ADGB: variants seen among roughly 807,000 people sequenced by gnomAD.
ADGB encodes androglobin.
A neutral mutation model predicts 210.5 loss-of-function variants in ADGB; 172 were observed. The ratio of observed to expected loss-of-function variants is 0.82; its 90% CI spans 0.72 to 0.93. ADGB has a LOEUF of 0.93. Among genes scored for constraint, ADGB ranks in the 40% least tolerant of loss-of-function variants. The probability of loss-of-function intolerance (pLI) is 0.00; values close to 1 mark genes in which losing one functional copy is unlikely to be tolerated. For synonymous variants in ADGB, 658 were observed against 662.7 expected, an observed-to-expected ratio of 0.99 and a Z score of 0.11; for missense variants, 2,025 against 1,964.8, an observed-to-expected ratio of 1.03 and a Z score of -0.58.
intron 27 of ADGB, among the ~76,000 whole-genome samples, chr6:146,760,210 G>A (rs561955211): frequency 2.6e-4 from 40 of 151,536 alleles, no homozygotes; most frequent in Non-Finnish European, 4.9e-4. Context: ...CCCTAACAAG[G>A]TATCAAATAT....
chr6:146,747,904 T>C (rs2114607008), intron 26 of ADGB, among the ~76,000 whole-genome samples: 1 of 151,332 alleles, frequency 6.6e-6, no homozygotes, highest in African/African-American at 2.4e-5. Flanking sequence ...AGCCTCAGCC[T>C]CCCAAGTAGC....
At chr6:146,744,650 T>A (rs778134214) in intron 25 of ADGB, among the ~76,000 whole-genome samples, 10 of 152,082 alleles carry the variant, frequency 6.6e-5, no homozygotes, top group Non-Finnish European at 1.0e-4. Flanking sequence ...TTTGCTCTAT[T>A]TTTTTTCATA....
Position 146,606,491 on chromosome 6 carries a change from A to G in ADGB, c.74+7377A>G, listed in dbSNP as rs530644297. Among the ~76,000 whole-genome samples the G allele has an allele frequency of 8.5e-5, 13 of 152,284 alleles. No homozygotes were observed. The East Asian group carries it at 1.7e-3, about 20-fold the overall frequency. On this transcript the variant is annotated intron_variant, in intron 1 of 35. Transcript: ENST00000397944. ...TTCCAGGGCCTATGTCCAGAATGGTATCTCCTAGGTTTTCTTCTAGGGTGT... is the reference window on the plus strand; with the variant it reads ...TTCCAGGGCCTATGTCCAGAATGGTGTCTCCTAGGTTTTCTTCTAGGGTGT...
At chr6:146,604,756 G>T (rs1323948068) in intron 1 of ADGB, among the ~76,000 whole-genome samples, 5 of 152,140 alleles carry the variant, frequency 3.3e-5, no homozygotes, top group Non-Finnish European at 4.4e-5. Flanking sequence ...GGGAAGGGAG[G>T]ATTCATATAG....
At chr6:146,713,174 G>A (rs143492038) in intron 13 of ADGB, among the ~76,000 whole-genome samples, 1 of 152,072 alleles carries the variant, frequency 6.6e-6, no homozygotes, top group African/African-American at 2.4e-5. Context: ...ATAGATATTG[G>A]GTTGCATCAA....
intron 10 of ADGB, among the ~76,000 whole-genome samples, chr6:146,688,546 C>T (rs993168767): frequency 3.3e-5 from 5 of 152,014 alleles, no homozygotes; most frequent in African/African-American, 7.2e-5. Context: ...TTGAGGCATG[C>T]GTGAGAGCCA....
chr6:146,813,714 G>C (rs566622958), intron 35 of ADGB, among the ~76,000 whole-genome samples: 123 of 152,242 alleles, frequency 8.1e-4, no homozygotes, highest in African/African-American at 2.9e-3. Flanking sequence ...GTGGGAAATC[G>C]ATTAGATTAG....
chr6:146,639,824 A>G (rs547516361), intron 2 of ADGB: 5 of 152,128 alleles, frequency 3.3e-5, no homozygotes, highest in African/African-American at 1.2e-4. Flanking sequence ...CCGTAATTTT[A>G]ATTAAAAATC....
At chr6:146,734,544 G>T (rs1003627312) in intron 22 of ADGB, among the ~76,000 whole-genome samples, 1 of 152,184 alleles carries the variant, frequency 6.6e-6, no homozygotes, top group African/African-American at 2.4e-5. Flanking sequence ...CATGTTAAGT[G>T]TGTTCTTAAA....
intron 7 of ADGB, among the ~76,000 whole-genome samples, chr6:146,669,262 G>A (rs1406472948): frequency 6.6e-6 from 1 of 152,026 alleles, no homozygotes; most frequent in African/African-American, 2.4e-5. Context: ...TGAATAGGAG[G>A]CAGTTCAGGG....
chr6:146,612,385 C>G (rs924929363), intron 1 of ADGB, among the ~76,000 whole-genome samples: 7 of 152,192 alleles, frequency 4.6e-5, no homozygotes, highest in Admixed American at 4.6e-4. Context: ...ATCCTTTTCT[C>G]TCCCAGCTGT....
At chr6:146,718,346 CA>C (rs34547633) in intron 16 of ADGB, among the ~76,000 whole-genome samples, 32,224 of 79,786 alleles carry the variant, frequency 0.4, 3,644 homozygotes, top group East Asian at 0.45. Flanking sequence ...GATTCCATCT[CA>C]AAAAAAAAAA....
chr6:146,623,270 G>C (rs1780922549), intron 1 of ADGB, among the ~76,000 whole-genome samples: 1 of 151,834 alleles, frequency 6.6e-6, no homozygotes, highest in Non-Finnish European at 1.5e-5. Flanking sequence ...GGTCAATTTG[G>C]GGTGAATTGA....
chr6:146,740,838 A>C (rs1777154781), intron 24 of ADGB, among the ~76,000 whole-genome samples: 1 of 152,140 alleles, frequency 6.6e-6, no homozygotes, highest in Admixed American at 6.5e-5. Flanking sequence ...ATACTATAAC[A>C]AATTAATATG....
intron 1 of ADGB, among the ~76,000 whole-genome samples, chr6:146,608,774 T>C (rs947634673): frequency 6.6e-6 from 1 of 152,202 alleles, no homozygotes; most frequent in Non-Finnish European, 1.5e-5. Flanking sequence ...TGTTGAGAAT[T>C]GCTTTGTTGT....
chr6:146,699,232 C>T (rs1776453336), intron 12 of ADGB, among the ~76,000 whole-genome samples: 1 of 152,096 alleles, frequency 6.6e-6, no homozygotes. Flanking sequence ...AGGCTGTCTG[C>T]AAGCTGGGGA....
Position 146,635,551 on chromosome 6 carries a change from A to C in ADGB, c.237+14A>C. Reference sequence around the variant, plus strand: ...AGCCCTGTATTTGTAAGTAGATGTAAATGTGACTAGGTTTCATTTTGGTTT... The same window carrying C: ...AGCCCTGTATTTGTAAGTAGATGTACATGTGACTAGGTTTCATTTTGGTTT... On this transcript the variant is annotated intron_variant, in intron 2 of 35. Coordinates refer to ENST00000397944, the MANE Select transcript of ADGB (RefSeq NM_024694.4). 6 of 1,495,396 alleles carry C rather than the reference A, an allele frequency of 4.0e-6. No individual in the cohort carries two copies. Among genetic ancestry groups the C allele is most frequent in the Non-Finnish European group, 5.4e-6 (6 of 1,120,338 alleles). The allele number at this position is 1,495,396 out of a possible 1,614,324, so 92.6% of individuals were successfully genotyped here. A position where few individuals can be genotyped will look rare whatever the true frequency, so the allele number is the denominator to read the frequency against.
intron 33 of ADGB, among the ~76,000 whole-genome samples, chr6:146,793,252 G>A (rs1777978786): frequency 2.0e-5 from 3 of 152,108 alleles, no homozygotes; most frequent in Non-Finnish European, 4.4e-5. Flanking sequence ...AGCACTGATT[G>A]TTGTGTTTTA....
rs1222801827 is a variant in ADGB, at chr6:146,666,838, G to A, written c.775G>A (p.Glu259Lys). 1 of 1,549,052 alleles carries A rather than the reference G, an allele frequency of 6.5e-7. No individual in the cohort carries two copies. Among genetic ancestry groups the A allele is most frequent in the Admixed American group, 2.0e-5 (1 of 50,908 alleles). Residue 259 changes from glutamate (E) to lysine (K), a missense_variant, in exon 7 of 36, where the codon GAG becomes AAG. Coordinates refer to ENST00000397944, the MANE Select transcript of ADGB (RefSeq NM_024694.4). The stretch of plus-strand genomic sequence containing the variant: ...TAGCATCCATGTAGCAGACAGGAGA[G>A]AGCTGGGGGAGTTCACGGTTATTCA... ...NIDIHVADRR[E>K]LGEFTVIHAL... is the part of the protein sequence containing the mutation.
Sources: allele counts gnomAD v4.1 joint callset (sites outside exome capture counted in the v4.1 genomes callset), GRCh38; gene constraint gnomAD v4.1.1; transcripts MANE v1.5; gene names NCBI Gene and HGNC (gene_info 2026-07-23, HGNC 2026-07-21).